The following AEBP2 variants were observed in gnomAD, a reference collection of about 807,000 sequenced individuals.
AEBP2 encodes the protein AE binding protein 2.
Under a neutral mutation model 50.8 loss-of-function variants are expected in AEBP2, and 10 were observed. The ratio of observed to expected loss-of-function variants is 0.20; its 90% CI spans 0.12 to 0.33. The LOEUF (loss-of-function observed/expected upper bound fraction) is 0.33, where lower values mean the gene tolerates loss of function less well. AEBP2 is among the 10% of genes least tolerant of loss of function. AEBP2 has a pLI of 1.00. For synonymous variants in AEBP2, 296 were observed against 261.3 expected (o/e 1.13, Z -1.28); for missense variants, 570 against 688.0 (o/e 0.83, Z 1.92).
At chr12:19,424,271 ATCATGC>A (rs1336446372) in intron 1 of AEBP2, among the ~76,000 whole-genome samples, 1 of 152,208 alleles carries the variant, frequency 6.6e-6, no homozygotes, top group Non-Finnish European at 1.5e-5. Context: ...AAAAGACTTG[ATCATGC>A]TCATGAACAG....
chr12:19,416,405 C>CT (rs199843011), intron 1 of AEBP2, among the ~76,000 whole-genome samples: 3,581 of 127,420 alleles, frequency 0.028, 53 homozygotes, highest in East Asian at 0.051. Context: ...GCTATCTTTT[C>CT]TTTTTTTTTC....
In AEBP2 at chr12:19,518,284, G is replaced by T. The variant is rs1012474351; in HGVS notation, c.*167G>T. The T allele has an allele frequency of 1.6e-6, 2 of 1,276,018 alleles. No homozygotes were observed. Among genetic ancestry groups the T allele is most frequent in the Non-Finnish European group, 2.0e-6 (2 of 1,011,632 alleles). 79.0% of individuals were successfully genotyped at this position (1,276,018 alleles called of 1,614,324 possible). On this transcript the variant is annotated 3_prime_UTR_variant, in exon 8 of 8. Coordinates refer to ENST00000266508, the MANE Select transcript of AEBP2 (RefSeq NM_153207.5). ...TATTTATGCTTAGTGTAAACATTCT[G>T]TGAATGAAGTAGACTCTTCGGTGGA...
At chr12:19,515,187 A>G (rs1055131586) in intron 7 of AEBP2, among the ~76,000 whole-genome samples, 3 of 152,150 alleles carry the variant, frequency 2.0e-5, no homozygotes, top group Non-Finnish European at 4.4e-5. Flanking sequence ...AAACTTTCCA[A>G]AAGAGCAATT....
chr12:19,481,573 G>T (rs1008590121), intron 3 of AEBP2, among the ~76,000 whole-genome samples: 2 of 151,836 alleles, frequency 1.3e-5, no homozygotes, highest in African/African-American at 4.8e-5. Flanking sequence ...TCACCTCCTG[G>T]GTTCAAGTGA....
intron 5 of AEBP2, among the ~76,000 whole-genome samples, chr12:19,502,806 G>A (rs554816424): frequency 1.6e-4 from 25 of 152,028 alleles, no homozygotes; most frequent in East Asian, 1.4e-3. Context: ...GTACCACCAC[G>A]CCTGGCTAAT....
At chr12:19,512,032 GTT>G (rs917418000) in intron 5 of AEBP2, among the ~76,000 whole-genome samples, 12 of 147,672 alleles carry the variant, frequency 8.1e-5, no homozygotes, top group African/African-American at 1.7e-4. Context: ...AGGGGTGAAA[GTT>G]TTTTTTTTTC....
At chr12:19,469,801 G>A (rs985372816) in intron 2 of AEBP2, among the ~76,000 whole-genome samples, 1 of 152,190 alleles carries the variant, frequency 6.6e-6, no homozygotes, top group Non-Finnish European at 1.5e-5. Flanking sequence ...ACAATTTGCT[G>A]TACCATGAGA....
At chr12:19,460,190 C>T (rs1044307700) in intron 1 of AEBP2, among the ~76,000 whole-genome samples, 3 of 152,106 alleles carry the variant, frequency 2.0e-5, no homozygotes, top group Non-Finnish European at 2.9e-5. Flanking sequence ...GGCTTGGCAA[C>T]GGAGTGAAGA....
chr12:19,451,632 G>A (rs531443462), intron 1 of AEBP2, among the ~76,000 whole-genome samples: 15 of 152,000 alleles, frequency 9.9e-5, no homozygotes, highest in Non-Finnish European at 2.2e-4. Context: ...ACCTATTAGT[G>A]CTGTATAATA....
At chr12:19,495,547 C>CT (rs35060511) in intron 4 of AEBP2, among the ~76,000 whole-genome samples, 15,572 of 140,976 alleles carry the variant, frequency 0.11, 855 homozygotes, top group Middle Eastern at 0.15. Context: ...TTCATTCTTG[C>CT]TTTTTTTTTT....
chr12:19,501,175 C>CA (rs1413131382), intron 5 of AEBP2, among the ~76,000 whole-genome samples: 1 of 151,830 alleles, frequency 6.6e-6, no homozygotes, highest in Non-Finnish European at 1.5e-5. Context: ...ACTAAAAATA[C>CA]AAAAAATTAC....
At chr12:19,466,071 G>A (rs2153370957) in intron 2 of AEBP2, among the ~76,000 whole-genome samples, 1 of 152,074 alleles carries the variant, frequency 6.6e-6, no homozygotes, top group South Asian at 2.1e-4. Context: ...GCCTCCCAAG[G>A]TGCTGGGATT....
chr12:19,430,407 T>G (rs4457841), intron 1 of AEBP2, among the ~76,000 whole-genome samples: 2 of 151,966 alleles, frequency 1.3e-5, no homozygotes, highest in East Asian at 1.9e-4. Context: ...AGTCAGGTAG[T>G]GTGATGCCTC....
chr12:19,462,312 G>A (rs1316912185), intron 1 of AEBP2, among the ~76,000 whole-genome samples, 198 bp from the exon 2 acceptor site: 2 of 152,224 alleles, frequency 1.3e-5, no homozygotes, highest in Middle Eastern at 3.4e-3. Flanking sequence ...AGGTACTGTC[G>A]TGTTTCTGTC....
chr12:19,474,715 T>C (rs903517625), intron 3 of AEBP2, among the ~76,000 whole-genome samples: 1 of 152,184 alleles, frequency 6.6e-6, no homozygotes, highest in Admixed American at 6.6e-5. Context: ...TACTTGTTTT[T>C]CTATATACCA....
rs567181241 is a variant in AEBP2 at position 19,451,462 on chromosome 12, T to G, written c.672-11048T>G. Among the ~76,000 whole-genome samples, 5 of 152,234 alleles carry G rather than the reference T, an allele frequency of 3.3e-5. No individual in the cohort carries two copies. The East Asian group carries it at 9.7e-4, about 29-fold the overall frequency. ...ACTTTGCGGCTTCAAGGGAGCCAGA[T>G]TTCTTAAATGGTGGTTGAAGACTCC... is the stretch of plus-strand genomic sequence containing the variant. On this transcript the variant is annotated intron_variant, in intron 1 of 7. Transcript: ENST00000266508.
intron 2 of AEBP2, among the ~76,000 whole-genome samples, chr12:19,463,458 TTATTAA>T (rs1187235862): frequency 6.6e-6 from 1 of 152,124 alleles, no homozygotes; most frequent in East Asian, 1.9e-4. Context: ...GGCAGGTAAT[TTATTAA>T]TATTAGGCCA....
At chr12:19,476,795 G>A (rs540991309) in intron 3 of AEBP2, among the ~76,000 whole-genome samples, 40 of 152,254 alleles carry the variant, frequency 2.6e-4, no homozygotes, top group African/African-American at 9.6e-4. Flanking sequence ...GGCTATCTGG[G>A]CTCTCTTTCG....
At chr12:19,420,886 G>T (rs2095745332) in intron 1 of AEBP2, among the ~76,000 whole-genome samples, 1 of 152,094 alleles carries the variant, frequency 6.6e-6, no homozygotes, top group Non-Finnish European at 1.5e-5. Context: ...CCCATGTCAA[G>T]GTCCTGTGGC....
Sources: gnomAD v4.1 joint callset for allele counts (sites outside exome capture counted in the v4.1 genomes callset) on GRCh38, gnomAD v4.1.1 for gene constraint, MANE v1.5 for transcripts, NCBI Gene and HGNC (gene_info 2026-07-23, HGNC 2026-07-21) for gene names.